The following ANK3 variants were observed in gnomAD, a reference collection of about 807,000 sequenced individuals.
ANK3 encodes ankyrin-3.
A neutral mutation model predicts 370.9 loss-of-function variants in ANK3; 57 were observed. The ratio of observed to expected loss-of-function variants is 0.15; its 90% CI spans 0.12 to 0.19. ANK3 has a LOEUF of 0.19. Among genes scored for constraint, ANK3 ranks in the 10% least tolerant of loss-of-function variants. The probability of loss-of-function intolerance (pLI) is 1.00; values close to 1 mark genes in which losing one functional copy is unlikely to be tolerated. For missense variants in ANK3, 4,439 were observed against 5,302.1 expected, an observed-to-expected ratio of 0.84 and a Z score of 5.06; for synonymous variants, 1,929 against 1,946.3, an observed-to-expected ratio of 0.99 and a Z score of 0.23.
At chr10:60,620,754 C>T (rs74155625) in intron 1 of ANK3, among the ~76,000 whole-genome samples, 1,794 of 152,074 alleles carry the variant, frequency 0.012, 35 homozygotes, top group African/African-American at 0.041. Flanking sequence ...TTAGCAATAA[C>T]GCTAATTACC....
At chr10:60,451,980 T>C (rs763093005) in intron 2 of ANK3, among the ~76,000 whole-genome samples, 1 of 152,208 alleles carries the variant, frequency 6.6e-6, no homozygotes, top group Non-Finnish European at 1.5e-5. Flanking sequence ...CACCAGCACA[T>C]GGATGTGAGG....
rs1054998252 is a variant in ANK3 at position 60,041,584 on chromosome 10, C to T, written c.*19+1088G>A. On this transcript the variant is annotated intron_variant, in intron 43 of 43. Transcript: ENST00000280772. ...CTGTGAGGATTGCCTGAAGAGCACG[C>T]ATGAAACACTGGGAAGAGGATGTGT... Among the ~76,000 whole-genome samples, 4 of 152,274 alleles carry T rather than the reference C, an allele frequency of 2.6e-5. No individual in the cohort carries two copies. The East Asian group carries it at 7.7e-4, about 29-fold the overall frequency.
At chr10:60,167,842 T>C (rs2095664791) in intron 21 of ANK3, among the ~76,000 whole-genome samples, 2 of 152,184 alleles carry the variant, frequency 1.3e-5, no homozygotes, top group African/African-American at 4.8e-5. Context: ...CTATCCCCAA[T>C]TATTGTGTTG....
At chr10:60,517,879 G>A (rs1372328123) in intron 2 of ANK3, among the ~76,000 whole-genome samples, 1 of 141,708 alleles carries the variant, frequency 7.1e-6, no homozygotes, top group East Asian at 2.6e-4. Flanking sequence ...ACTGGGAAGG[G>A]AAGGCACAGG....
At chr10:60,521,181 G>C (rs562773517) in intron 2 of ANK3, among the ~76,000 whole-genome samples, 1 of 151,880 alleles carries the variant, frequency 6.6e-6, no homozygotes, top group Non-Finnish European at 1.5e-5. Flanking sequence ...TCTCTTCTTT[G>C]TAGAACATCT....
intron 7 of ANK3, among the ~76,000 whole-genome samples, chr10:60,248,934 C>T (rs552162504): frequency 3.3e-5 from 5 of 152,068 alleles, no homozygotes; most frequent in African/African-American, 7.2e-5. Flanking sequence ...AAAATGTTGC[C>T]GAGAAACAAT....
At chr10:60,390,210 G>A (rs1566990796), upstream of ANK3, among the ~76,000 whole-genome samples, 1 of 152,166 alleles carries the variant, frequency 6.6e-6, no homozygotes, top group East Asian at 1.9e-4. Context: ...TGTCTCAACA[G>A]TGCATCCTTT....
Position 60,640,576 on chromosome 10 carries a change from C to G in ANK3, c.58-25352G>C, listed in dbSNP as rs1304765197. 2.3e-3 allele frequency among the ~76,000 whole-genome samples: 213 copies of G among 91,746 alleles called. 3 individuals are homozygous for G. The highest frequency in any genetic ancestry group is 7.4e-3 in the African/African-American group (201 of 27,288). The allele number at this position is 91,746 out of a possible 152,430, so 60.2% of individuals were successfully genotyped here. On this transcript the variant is annotated intron_variant, in intron 1 of 43. Transcript: ENST00000373827. Reference sequence around the variant, plus strand: ...CAATAGATGCAGAAAAGGCCTTTGACAAAATTCAACAACACTTCATGCTAA... The same window carrying G: ...CAATAGATGCAGAAAAGGCCTTTGAGAAAATTCAACAACACTTCATGCTAA...
chr10:60,388,032 G>T lies in ANK3; in HGVS notation c.114+1393C>A, dbSNP rs1229917127. Among the ~76,000 whole-genome samples, 3 of 152,166 alleles carry T rather than the reference G, an allele frequency of 2.0e-5. No homozygotes were observed. The East Asian group carries it at 5.8e-4, about 29-fold the overall frequency. ...GTATGGACAGGGGGCAAGTGGTAGTGACCTACCCACAGAGAAACCTCACAC... is the reference window on the plus strand; with the variant it reads ...GTATGGACAGGGGGCAAGTGGTAGTTACCTACCCACAGAGAAACCTCACAC... On this transcript the variant is annotated intron_variant, in intron 1 of 43. Transcript: ENST00000280772.
chr10:60,266,649 G>A (rs1439486532), intron 5 of ANK3, among the ~76,000 whole-genome samples: 4 of 152,214 alleles, frequency 2.6e-5, no homozygotes, highest in Non-Finnish European at 5.9e-5. Flanking sequence ...CCGATTAGCA[G>A]TGACAAGAAT....
chr10:60,600,861 C>A (rs759444887), intron 2 of ANK3, among the ~76,000 whole-genome samples: 3 of 151,996 alleles, frequency 2.0e-5, no homozygotes, highest in Non-Finnish European at 4.4e-5. Context: ...TTCTCATCTA[C>A]GAATATAGAT....
intron 2 of ANK3, among the ~76,000 whole-genome samples, chr10:60,448,344 A>G (rs1369319716): frequency 6.6e-6 from 1 of 152,206 alleles, no homozygotes; most frequent in Non-Finnish European, 1.5e-5. Flanking sequence ...ACATTTTCAG[A>G]ATTTATTTCT....
intron 1 of ANK3, among the ~76,000 whole-genome samples, chr10:60,308,545 G>A (rs149374206): frequency 9.7e-4 from 147 of 152,146 alleles, no homozygotes; most frequent in African/African-American, 3.2e-3. Flanking sequence ...CAAATTGCTG[G>A]GATTACAGAC....
chr10:60,218,097 CTTTT>C (rs199989242), intron 8 of ANK3, among the ~76,000 whole-genome samples: 11 of 126,144 alleles, frequency 8.7e-5, no homozygotes, highest in East Asian at 6.6e-4. Context: ...CTTTTTCTTT[CTTTT>C]TTTTTTTTTT....
At chr10:60,227,435 A>G (rs200581618) in intron 8 of ANK3, among the ~76,000 whole-genome samples, 1 of 152,016 alleles carries the variant, frequency 6.6e-6, no homozygotes, top group Non-Finnish European at 1.5e-5. Context: ...TCTTTGGGGT[A>G]GGCTAAGATT....
chr10:60,202,878 G>C, intron 12 of ANK3, 124 bp downstream of exon 12: 1 of 637,448 alleles, frequency 1.6e-6, no homozygotes, highest in South Asian at 2.3e-5. Flanking sequence ...CTGTATTCCA[G>C]TCTGGGAGAC....
chr10:60,578,155 T>C (rs1193105124), intron 2 of ANK3, among the ~76,000 whole-genome samples: 2 of 152,224 alleles, frequency 1.3e-5, no homozygotes, highest in Admixed American at 1.3e-4. Context: ...CCGAGTTTTC[T>C]TTCTTTCCTG....
At chr10:60,283,869 AT>A (rs1360640920) in intron 1 of ANK3, among the ~76,000 whole-genome samples, 2 of 152,156 alleles carry the variant, frequency 1.3e-5, no homozygotes, top group Non-Finnish European at 2.9e-5. Context: ...ACTTAATTAT[AT>A]TATTCATCAC....
At chr10:60,076,520 A>G in intron 36 of ANK3, 72 bp from the exon 37 acceptor site, 1 of 1,489,762 alleles carries the variant, frequency 6.7e-7, no homozygotes, top group Non-Finnish European at 8.9e-7. Context: ...GAGAGACCAG[A>G]GAAAAAAATT....
Sources: allele counts gnomAD v4.1 joint callset (sites outside exome capture counted in the v4.1 genomes callset), GRCh38; gene constraint gnomAD v4.1.1; transcripts MANE v1.5; gene names NCBI Gene and HGNC (gene_info 2026-07-23, HGNC 2026-07-21).